SNTG2: variants seen among roughly 807,000 people sequenced by gnomAD.
SNTG2 encodes the protein gamma-2-syntrophin.
SNTG2 carries 74 observed loss-of-function variants against 70.9 expected under a neutral mutation model. The ratio of observed to expected loss-of-function variants is 1.04; its 90% CI spans 0.86 to 1.27. SNTG2 has a LOEUF of 1.27. SNTG2 is among the 50% of genes most tolerant of loss of function. The pLI is 0.00. For synonymous variants in SNTG2, 278 were observed against 273.8 expected (o/e 1.02, Z -0.15); for missense variants, 717 against 690.7 (o/e 1.04, Z -0.43).
intron 8 of SNTG2, among the ~76,000 whole-genome samples, chr2:1,203,668 A>AAC: frequency 1.1e-5 from 1 of 86,966 alleles, no homozygotes; most frequent in South Asian, 3.9e-4. Flanking sequence ...ACAAACAAAA[A>AAC]AAAAAATATA....
chr2:1,251,167 T>C (rs1264901700), intron 12 of SNTG2, among the ~76,000 whole-genome samples: 1 of 152,180 alleles, frequency 6.6e-6, no homozygotes, highest in Non-Finnish European at 1.5e-5. Flanking sequence ...CCAGATAGAT[T>C]TACCATTAGG....
intron 1 of SNTG2, among the ~76,000 whole-genome samples, chr2:1,068,859 AATC>A (rs760058209): frequency 2.6e-5 from 4 of 152,224 alleles, no homozygotes; most frequent in Non-Finnish European, 4.4e-5. Flanking sequence ...TCAGCTTTCT[AATC>A]ATTCAGAGAA....
At position 1,248,999 on chromosome 2, in the gene SNTG2, G is replaced by T. The variant is rs936793203; in HGVS notation, c.1005+1556G>T. Among the ~76,000 whole-genome samples, 2 of 152,206 alleles carry T rather than the reference G, an allele frequency of 1.3e-5. 1 individual carries two copies. The highest frequency in any genetic ancestry group is 2.9e-5 in the Non-Finnish European group (2 of 68,042). On this transcript the variant is annotated intron_variant, in intron 12 of 16. Coordinates refer to ENST00000308624, the MANE Select transcript of SNTG2 (RefSeq NM_018968.4). ...GTTATGTCCTGCCTTGGGATGCTCC[G>T]AGTGCTGGTAGCATCCAACTCATCT...
chr2:1,018,638 C>T lies in SNTG2; in HGVS notation c.73-64880C>T, dbSNP rs565305389. On this transcript the variant is annotated intron_variant, in intron 1 of 16. Transcript: ENST00000308624. ...GAATGAGAGCTGTTTAGACCCAGGG[C>T]GTGAACTTCTCACCTGGTTCAGGCT... Among the ~76,000 whole-genome samples, 22 of 152,162 alleles carry T rather than the reference C, an allele frequency of 1.4e-4. No individual in the cohort carries two copies. The East Asian group carries it at 3.7e-3, about 25-fold the overall frequency.
chr2:1,221,731 CTGTCTCTCTCTGTCTCTGTCTG>C lies in SNTG2; in HGVS notation c.719+12520_719+12541del, dbSNP rs1674898886. Among the ~76,000 whole-genome samples, 7 of 29,746 alleles carry C rather than the reference CTGTCTCTCTCTGTCTCTGTCTG, an allele frequency of 2.4e-4. 3 individuals are homozygous for C. The highest frequency in any genetic ancestry group is 3.8e-3 in the South Asian group (2 of 522). The allele number at this position is 29,746 out of a possible 152,430, so 19.5% of individuals were successfully genotyped here. ...TCTGTCTCTGTCTCTATCTCTGTCT[CTGTCTCTCTCTGTCTCTGTCTG>C]TGTCTCTCTCTGTCTCTGCCTCTCT... On this transcript the variant is annotated intron_variant, in intron 9 of 16. Transcript: ENST00000308624.
At position 1,112,372 on chromosome 2, in the gene SNTG2, G is replaced by C. The variant is rs574068181; in HGVS notation, c.325+13962G>C. 2.0e-5 allele frequency among the ~76,000 whole-genome samples: 3 copies of C among 151,780 alleles called. No homozygotes were observed. In the East Asian group the frequency reaches 5.8e-4, roughly 30 times the overall value. ...GAGAAGAATCGTGTGTACTAACTGAGGTTTAATCCTCACAGTACTTGGAGG... is the reference window on the plus strand; with the variant it reads ...GAGAAGAATCGTGTGTACTAACTGACGTTTAATCCTCACAGTACTTGGAGG... On this transcript the variant is annotated intron_variant, in intron 4 of 16. Coordinates refer to ENST00000308624, the MANE Select transcript of SNTG2 (RefSeq NM_018968.4).
chr2:998,442 A>G (rs146694481), intron 1 of SNTG2, among the ~76,000 whole-genome samples: 7 of 152,156 alleles, frequency 4.6e-5, no homozygotes, highest in African/African-American at 1.7e-4. Flanking sequence ...TTTACCAAAG[A>G]GATAGATATT....
intron 6 of SNTG2, among the ~76,000 whole-genome samples, chr2:1,155,178 C>CCACACACA (rs1553340396): frequency 5.0e-4 from 75 of 150,370 alleles, no homozygotes; most frequent in Middle Eastern, 3.4e-3. Flanking sequence ...GACCCCCCCC[C>CCACACACA]CACACACATA....
At chr2:1,294,191 G>T (rs563702398) in intron 14 of SNTG2, among the ~76,000 whole-genome samples, 6 of 152,090 alleles carry the variant, frequency 3.9e-5, no homozygotes, top group African/African-American at 7.2e-5. Flanking sequence ...CAACTCCCAC[G>T]CATGGGGACA....
At chr2:1,296,814 A>G (rs1016684664) in intron 14 of SNTG2, among the ~76,000 whole-genome samples, 1 of 152,246 alleles carries the variant, frequency 6.6e-6, no homozygotes, top group Non-Finnish European at 1.5e-5. Flanking sequence ...GAGTTCTGAT[A>G]TTAACGACAG....
At chr2:1,249,096 C>T (rs1677610582) in intron 12 of SNTG2, among the ~76,000 whole-genome samples, 1 of 152,138 alleles carries the variant, frequency 6.6e-6, no homozygotes, top group African/African-American at 2.4e-5. Context: ...TGCGTAAACT[C>T]CTTTGTAGCT....
At chr2:1,169,129 ATTCTGCAGC>A (rs939020834) in intron 7 of SNTG2, among the ~76,000 whole-genome samples, 41 of 152,264 alleles carry the variant, frequency 2.7e-4, no homozygotes, top group African/African-American at 9.9e-4. Flanking sequence ...GTGTCTGCAG[ATTCTGCAGC>A]AGCTGTGACC....
chr2:1,311,071 T>C (rs1422681188), intron 15 of SNTG2, among the ~76,000 whole-genome samples: 4 of 152,164 alleles, frequency 2.6e-5, no homozygotes, highest in African/African-American at 9.6e-5. Flanking sequence ...TCCGGGGGCA[T>C]CTGGGCCAGC....
At chr2:1,318,398 C>A (rs4927636) in intron 16 of SNTG2, among the ~76,000 whole-genome samples, 63,648 of 152,152 alleles carry the variant, frequency 0.42, 13,452 homozygotes, top group Middle Eastern at 0.55. Context: ...TGAAATGACA[C>A]TTTATAGTTG....
chr2:1,289,195 A>G (rs1679889793), intron 14 of SNTG2, among the ~76,000 whole-genome samples: 2 of 152,074 alleles, frequency 1.3e-5, no homozygotes, highest in African/African-American at 4.8e-5. Flanking sequence ...TAGATATTCC[A>G]AATTAGCAAT....
chr2:1,308,398 A>C, intron 14 of SNTG2, 96 bp from the exon 15 acceptor site: 1 of 1,164,708 alleles, frequency 8.6e-7, no homozygotes, highest in Non-Finnish European at 1.2e-6. Flanking sequence ...GCATTTTATA[A>C]TTTTTGACCA....
intron 1 of SNTG2, among the ~76,000 whole-genome samples, chr2:1,015,162 G>A (rs777825932): frequency 1.1e-4 from 16 of 152,152 alleles, no homozygotes; most frequent in Non-Finnish European, 4.4e-5. Flanking sequence ...AGGTATCCTG[G>A]TCCCGCAGGC....
intron 1 of SNTG2, among the ~76,000 whole-genome samples, chr2:1,061,539 G>A (rs1662824412): frequency 1.3e-5 from 2 of 152,234 alleles, no homozygotes; most frequent in African/African-American, 4.8e-5. Flanking sequence ...CCTACGTTCA[G>A]AGTTTCTCTT....
intron 6 of SNTG2, among the ~76,000 whole-genome samples, chr2:1,139,186 A>G (rs112811266): frequency 8.0e-4 from 122 of 152,306 alleles, no homozygotes; most frequent in African/African-American, 2.8e-3. Context: ...GCCCAGAGAG[A>G]GTAAAATTCT....
Sources: allele counts gnomAD v4.1 joint callset (sites outside exome capture counted in the v4.1 genomes callset), GRCh38; gene constraint gnomAD v4.1.1; transcripts MANE v1.5; gene names NCBI Gene and HGNC (gene_info 2026-07-23, HGNC 2026-07-21).